Variants in SDC2 observed in about 807,000 individuals in gnomAD.
SDC2 encodes the protein syndecan 2.
In SDC2, 13 loss-of-function variants were observed where a neutral mutation model predicts 22.2. That is an observed-to-expected ratio of 0.59 (90% CI 0.38 to 0.93). The LOEUF is 0.93. Ranked by LOEUF, SDC2 falls within the 40% of genes least tolerant of loss-of-function variation. SDC2 has a pLI of 0.00. For missense variants in SDC2, 235 were observed against 246.8 expected, an observed-to-expected ratio of 0.95 and a Z score of 0.32; for synonymous variants, 94 against 92.8, an observed-to-expected ratio of 1.01 and a Z score of -0.07.
intron 1 of SDC2, among the ~76,000 whole-genome samples, chr8:96,574,120 C>G (rs544243199): frequency 2.7e-5 from 4 of 150,938 alleles, no homozygotes; most frequent in Non-Finnish European, 5.9e-5. Context: ...ACACCCTGCA[C>G]GGTGCTCAGT....
intron 1 of SDC2, among the ~76,000 whole-genome samples, chr8:96,504,888 G>A (rs183434086): frequency 6.6e-5 from 10 of 152,120 alleles, no homozygotes; most frequent in African/African-American, 2.4e-4. Context: ...AGGGAGATAG[G>A]GGTGGGGCCG....
intron 1 of SDC2, among the ~76,000 whole-genome samples, chr8:96,495,981 G>C (rs1009830791): frequency 6.6e-6 from 1 of 152,176 alleles, no homozygotes; most frequent in Non-Finnish European, 1.5e-5. Context: ...ACACCAAAAG[G>C]CAGCAGTTCT....
At chr8:96,534,690 G>C (rs1813724009) in intron 1 of SDC2, among the ~76,000 whole-genome samples, 3 of 151,756 alleles carry the variant, frequency 2.0e-5, no homozygotes, top group African/African-American at 7.3e-5. Flanking sequence ...TCCTACCTCG[G>C]CCTCCAAGAG....
intron 1 of SDC2, among the ~76,000 whole-genome samples, chr8:96,592,154 A>G (rs1230498319): frequency 6.6e-6 from 1 of 152,190 alleles, no homozygotes; most frequent in African/African-American, 2.4e-5. Flanking sequence ...TAGCTCAAAC[A>G]AAATAGATTC....
At chr8:96,580,767 G>A (rs1171227390) in intron 1 of SDC2, among the ~76,000 whole-genome samples, 4 of 152,112 alleles carry the variant, frequency 2.6e-5, no homozygotes, top group African/African-American at 9.7e-5. Flanking sequence ...AAGAGGGAGC[G>A]GGGTGCTCAT....
At chr8:96,605,269 G>A (rs1222756435) in intron 3 of SDC2, among the ~76,000 whole-genome samples, 1 of 152,186 alleles carries the variant, frequency 6.6e-6, no homozygotes, top group African/African-American at 2.4e-5. Context: ...ACCAGAACTT[G>A]TTTACCTCTC....
chr8:96,600,905 C>T (rs1396346174), intron 2 of SDC2, among the ~76,000 whole-genome samples: 2 of 152,148 alleles, frequency 1.3e-5, no homozygotes, highest in Non-Finnish European at 2.9e-5. Flanking sequence ...ATTTAGGTAT[C>T]ATCTGTGCTT....
intron 1 of SDC2, among the ~76,000 whole-genome samples, chr8:96,543,448 A>T (rs914052206): frequency 2.0e-5 from 3 of 152,224 alleles, no homozygotes; most frequent in African/African-American, 7.2e-5. Flanking sequence ...GACCATATTA[A>T]TTCCTTCATA....
chr8:96,562,380 G>A (rs774059705), intron 1 of SDC2, among the ~76,000 whole-genome samples: 1 of 152,128 alleles, frequency 6.6e-6, no homozygotes, highest in African/African-American at 2.4e-5. Flanking sequence ...TCTTTCCCTG[G>A]GGCTGCCTCC....
At chr8:96,513,560 C>T (rs1283801827) in intron 1 of SDC2, among the ~76,000 whole-genome samples, 1 of 152,174 alleles carries the variant, frequency 6.6e-6, no homozygotes, top group Non-Finnish European at 1.5e-5. Context: ...TGAATATAAA[C>T]CAGCTTTAGC....
chr8:96,581,875 A>C (rs2319696), intron 1 of SDC2, among the ~76,000 whole-genome samples: 12,778 of 152,272 alleles, frequency 0.084, 650 homozygotes, highest in East Asian at 0.24. Context: ...TTATTGGGCA[A>C]GAACCTGAAT....
chr8:96,522,592 C>A (rs2514787), intron 1 of SDC2, among the ~76,000 whole-genome samples: 102,661 of 152,030 alleles, frequency 0.68, 36,075 homozygotes, highest in African/African-American at 0.79. Context: ...CTGTACTGTG[C>A]TGATATCAGA....
chr8:96,585,742 A>C (rs1311094545), intron 1 of SDC2, among the ~76,000 whole-genome samples: 1 of 152,178 alleles, frequency 6.6e-6, no homozygotes, highest in Non-Finnish European at 1.5e-5. Context: ...ATTGTTTTAC[A>C]CCACCAGATG....
At chr8:96,526,487 A>C (rs1813580661) in intron 1 of SDC2, among the ~76,000 whole-genome samples, 1 of 152,216 alleles carries the variant, frequency 6.6e-6, no homozygotes, top group South Asian at 2.1e-4. Flanking sequence ...AGTTTAAAAA[A>C]GTGGATCAAA....
At chr8:96,545,636 A>G (rs1399019803) in intron 1 of SDC2, among the ~76,000 whole-genome samples, 1 of 152,198 alleles carries the variant, frequency 6.6e-6, no homozygotes, top group Non-Finnish European at 1.5e-5. Context: ...TTTTAGAGCA[A>G]TGTTCTCAAA....
chr8:96,565,501 T>C (rs150651334), intron 1 of SDC2, among the ~76,000 whole-genome samples: 51 of 152,266 alleles, frequency 3.3e-4, no homozygotes, highest in African/African-American at 1.2e-3. Flanking sequence ...TTTAACTTAA[T>C]AGGGTTTTGG....
intron 1 of SDC2, among the ~76,000 whole-genome samples, chr8:96,538,461 G>T (rs188413670): frequency 3.3e-5 from 5 of 151,786 alleles, no homozygotes; most frequent in African/African-American, 1.2e-4. Context: ...TGCTGAGGTT[G>T]AGTTGACTGA....
At chr8:96,605,212 C>T (rs1815057378) in intron 3 of SDC2, among the ~76,000 whole-genome samples, 1 of 152,184 alleles carries the variant, frequency 6.6e-6, no homozygotes, top group Non-Finnish European at 1.5e-5. Context: ...ATGAATTAAA[C>T]TCAGTCTCTC....
chr8:96,517,789 GTGTGTGTGTGTGTA>G lies in SDC2; in HGVS notation c.60+23460_60+23473del, dbSNP rs1048575987. On this transcript the variant is annotated intron_variant, in intron 1 of 4. Coordinates refer to ENST00000302190, the MANE Select transcript of SDC2 (RefSeq NM_002998.4). ...TGTGTGCATGTGTGTGTGTGTGTGT[GTGTGTGTGTGTGTA>G]TATATATATGCACACATGAATCTTA... 1.3e-3 allele frequency among the ~76,000 whole-genome samples: 179 copies of G among 137,160 alleles called. 2 individuals carry two copies. The East Asian group carries it at 0.038, about 29-fold the overall frequency. 90.0% of individuals were successfully genotyped at this position (137,160 alleles called of 152,430 possible). A position where few individuals can be genotyped will look rare whatever the true frequency, so the allele number is the denominator to read the frequency against.
Sources: gnomAD v4.1 joint callset for allele counts (sites outside exome capture counted in the v4.1 genomes callset) on GRCh38, gnomAD v4.1.1 for gene constraint, MANE v1.5 for transcripts, NCBI Gene and HGNC (gene_info 2026-07-23, HGNC 2026-07-21) for gene names.